The following SNX29 variants were observed in gnomAD, a reference collection of about 807,000 sequenced individuals.
SNX29 encodes the protein sorting nexin 29.
Under a neutral mutation model 102.1 loss-of-function variants are expected in SNX29, and 78 were observed. The ratio of observed to expected loss-of-function variants is 0.76; its 90% CI spans 0.64 to 0.92. SNX29 has a LOEUF of 0.92. Among genes scored for constraint, SNX29 ranks in the 40% least tolerant of loss-of-function variants. The pLI is 0.00. For synonymous variants in SNX29, 580 were observed against 414.5 expected, an observed-to-expected ratio of 1.40 and a Z score of -4.85; for missense variants, 1,280 against 1,061.7, an observed-to-expected ratio of 1.21 and a Z score of -2.86.
At chr16:12,190,848 T>C (rs1049609422) in intron 13 of SNX29, among the ~76,000 whole-genome samples, 2 of 151,894 alleles carry the variant, frequency 1.3e-5, no homozygotes, top group Non-Finnish European at 2.9e-5. Flanking sequence ...GAGGAGCCTT[T>C]CCAAGATGAC....
intron 20 of SNX29, among the ~76,000 whole-genome samples, chr16:12,537,298 GA>G (rs1345023498): frequency 6.6e-6 from 1 of 152,214 alleles, no homozygotes; most frequent in Non-Finnish European, 1.5e-5. Flanking sequence ...TACATGTTTG[GA>G]TTTTAGTATA....
intron 13 of SNX29, among the ~76,000 whole-genome samples, chr16:12,164,934 C>T (rs980410455): frequency 1.3e-5 from 2 of 152,080 alleles, no homozygotes; most frequent in Non-Finnish European, 2.9e-5. Context: ...GTGATCTGCC[C>T]ACCTTGATCT....
At chr16:12,154,910 C>T (rs1373560747) in intron 13 of SNX29, among the ~76,000 whole-genome samples, 2 of 152,218 alleles carry the variant, frequency 1.3e-5, no homozygotes. Context: ...AATGCCGCAC[C>T]TCCTAATATC....
In SNX29 at chr16:12,558,572, T is replaced by G. The variant is rs537653970; in HGVS notation, c.2319-9934T>G. On this transcript the variant is annotated intron_variant, in intron 20 of 20. Coordinates refer to ENST00000566228, the MANE Select transcript of SNX29 (RefSeq NM_032167.5). ...ATGCCTCTCAGTACCCCGTCCATGGTGGATCCATACACCTGTCACTCTCTG... is the reference window on the plus strand; with the variant it reads ...ATGCCTCTCAGTACCCCGTCCATGGGGGATCCATACACCTGTCACTCTCTG... Among the ~76,000 whole-genome samples the G allele has an allele frequency of 4.4e-4, 67 of 152,198 alleles. 1 individual carries two copies. Among genetic ancestry groups the G allele is most frequent in the Non-Finnish European group, 8.2e-4 (56 of 68,038 alleles).
chr16:12,405,258 C>T (rs2084112948), intron 18 of SNX29, among the ~76,000 whole-genome samples: 1 of 152,170 alleles, frequency 6.6e-6, no homozygotes, highest in African/African-American at 2.4e-5. Context: ...TTTGACTTTT[C>T]CCCCTGTTTA....
chr16:12,427,892 A>C (rs1300387014), intron 18 of SNX29, among the ~76,000 whole-genome samples: 1 of 152,256 alleles, frequency 6.6e-6, no homozygotes, highest in Non-Finnish European at 1.5e-5. Context: ...GCAGTTGCTA[A>C]ATAAGATCAG....
At chr16:12,320,248 T>G (rs1045723627) in intron 15 of SNX29, among the ~76,000 whole-genome samples, 2 of 152,106 alleles carry the variant, frequency 1.3e-5, no homozygotes, top group African/African-American at 2.4e-5. Context: ...AGCTGGAGAC[T>G]TGGGCAGGAG....
chr16:12,516,026 T>A (rs894988690), intron 19 of SNX29, among the ~76,000 whole-genome samples: 1 of 152,080 alleles, frequency 6.6e-6, no homozygotes. Flanking sequence ...GGAATTTCCT[T>A]TTCTCGGCTA....
intron 18 of SNX29, among the ~76,000 whole-genome samples, chr16:12,451,060 A>G (rs186185801): frequency 2.6e-5 from 4 of 152,276 alleles, no homozygotes; most frequent in Non-Finnish European, 4.4e-5. Flanking sequence ...CAAGGGAGAA[A>G]GTACGTCTCC....
At position 12,531,142 on chromosome 16, in the gene SNX29, G is replaced by A. The variant is rs143430486; in HGVS notation, c.2318+6301G>A. ...CCCTCTCATACCAATTTGATATGCA[G>A]GGTTTGATCTGGATCGAAGGGGAAG... On this transcript the variant is annotated intron_variant, in intron 20 of 20. Transcript: ENST00000566228. 9.2e-3 allele frequency among the ~76,000 whole-genome samples: 1,397 copies of A among 152,324 alleles called. 16 individuals are homozygous for A. Among genetic ancestry groups the A allele is most frequent in the African/African-American group, 0.031 (1,308 of 41,562 alleles).
intron 15 of SNX29, among the ~76,000 whole-genome samples, chr16:12,298,119 G>A (rs2080042509): frequency 6.6e-6 from 1 of 152,222 alleles, no homozygotes. Flanking sequence ...GCAGTGAGCT[G>A]TGATTGTGCC....
chr16:12,443,958 G>T (rs377034021), intron 18 of SNX29, among the ~76,000 whole-genome samples: 4 of 152,106 alleles, frequency 2.6e-5, no homozygotes, highest in African/African-American at 9.7e-5. Flanking sequence ...CATCTAGCAC[G>T]TAATAAGCAC....
At chr16:12,277,169 C>A (rs181514801) in intron 14 of SNX29, among the ~76,000 whole-genome samples, 2 of 152,232 alleles carry the variant, frequency 1.3e-5, no homozygotes, top group East Asian at 3.9e-4. Context: ...GGGAGGATCA[C>A]TTGAGGCCAG....
chr16:12,043,381 G>A (rs146740713), intron 5 of SNX29, among the ~76,000 whole-genome samples: 2,226 of 151,374 alleles, frequency 0.015, 46 homozygotes, highest in African/African-American at 0.051. Flanking sequence ...TAAAGACAGG[G>A]TCTTGCTTTG....
intron 11 of SNX29, among the ~76,000 whole-genome samples, chr16:12,099,269 A>C (rs1475073791): frequency 6.6e-6 from 1 of 152,170 alleles, no homozygotes; most frequent in East Asian, 1.9e-4. Context: ...TCAGCTCAGC[A>C]CTAAACCCAG....
chr16:12,416,153 G>A (rs2084626679), intron 18 of SNX29, among the ~76,000 whole-genome samples: 2 of 152,162 alleles, frequency 1.3e-5, no homozygotes, highest in Admixed American at 1.3e-4. Context: ...GCTGTGCTCT[G>A]TTCGGTTTCT....
chr16:12,432,840 G>A (rs2085369220), intron 18 of SNX29, among the ~76,000 whole-genome samples: 1 of 152,226 alleles, frequency 6.6e-6, no homozygotes, highest in South Asian at 2.1e-4. Flanking sequence ...CAGCCGGGGA[G>A]CAGGGCTCCC....
intron 1 of SNX29, among the ~76,000 whole-genome samples, chr16:11,978,664 CTT>C (rs1770936208): frequency 6.6e-6 from 1 of 152,186 alleles, no homozygotes; most frequent in South Asian, 2.1e-4. Context: ...ACCAAGGAGT[CTT>C]TGCCACAAGC....
chr16:12,270,014 C>T (rs1158973591), intron 14 of SNX29, among the ~76,000 whole-genome samples: 1 of 152,080 alleles, frequency 6.6e-6, no homozygotes, highest in East Asian at 1.9e-4. Context: ...GCACGCACCA[C>T]CACGCCCAGC....
Sources: allele counts gnomAD v4.1 joint callset (sites outside exome capture counted in the v4.1 genomes callset), GRCh38; gene constraint gnomAD v4.1.1; transcripts MANE v1.5; gene names NCBI Gene and HGNC (gene_info 2026-07-23, HGNC 2026-07-21).